The following RBFOX1 variants were observed in gnomAD, a reference collection of about 807,000 sequenced individuals.
RBFOX1 encodes RNA binding protein fox-1 homolog 1.
RBFOX1 carries 8 observed loss-of-function variants against 57.7 expected under a neutral mutation model. The observed-to-expected ratio is 0.14, with a 90% CI of 0.08 to 0.25. RBFOX1 has a LOEUF of 0.25. Ranked by LOEUF, RBFOX1 falls within the 10% of genes least tolerant of loss-of-function variation. The pLI is 1.00. For synonymous variants in RBFOX1, 326 were observed against 222.4 expected, an observed-to-expected ratio of 1.47 and a Z score of -4.15; for missense variants, 611 against 548.5, an observed-to-expected ratio of 1.11 and a Z score of -1.14.
intron 3 of RBFOX1, among the ~76,000 whole-genome samples, chr16:6,940,603 T>A (rs970393323): frequency 6.6e-6 from 1 of 152,110 alleles, no homozygotes; most frequent in Non-Finnish European, 1.5e-5. Flanking sequence ...TTTGTACACT[T>A]CTTTTCTTTT....
chr16:7,120,478 A>G (rs1429860618), intron 4 of RBFOX1, among the ~76,000 whole-genome samples: 2 of 152,028 alleles, frequency 1.3e-5, no homozygotes, highest in Non-Finnish European at 2.9e-5. Context: ...CACATAAATT[A>G]AAAAGATTAT....
At chr16:5,532,673 A>G (rs557452459) in intron 2 of RBFOX1, among the ~76,000 whole-genome samples, 89 of 152,338 alleles carry the variant, frequency 5.8e-4, no homozygotes, top group African/African-American at 1.9e-3. Flanking sequence ...ACATTTTTCA[A>G]TGCTGTGCTC....
At chr16:5,702,118 C>G (rs1220932387) in intron 3 of RBFOX1, among the ~76,000 whole-genome samples, 2 of 152,260 alleles carry the variant, frequency 1.3e-5, no homozygotes, top group Non-Finnish European at 2.9e-5. Flanking sequence ...ATCCCATTCT[C>G]ACACTGCTGT....
chr16:6,711,008 C>G (rs1214454935), intron 3 of RBFOX1, among the ~76,000 whole-genome samples: 1 of 152,152 alleles, frequency 6.6e-6, no homozygotes, highest in African/African-American at 2.4e-5. Context: ...GGCACATACC[C>G]ATTGCAAGTG....
chr16:7,541,994 C>T (rs186815608), intron 5 of RBFOX1, among the ~76,000 whole-genome samples: 17 of 152,254 alleles, frequency 1.1e-4, no homozygotes, highest in East Asian at 9.6e-4. Flanking sequence ...TGGCCTTGGC[C>T]GGCAGCTGAG....
In RBFOX1 at chr16:6,741,818, T is replaced by C. The variant is rs1024776850; in HGVS notation, c.-16+87168T>C. ...AATTTATGAAGAAGTGAAATGGTGG[T>C]TACCAGAAACTGGAAGGGTAAAGGG... is the stretch of plus-strand genomic sequence containing the variant. On this transcript the variant is annotated intron_variant, in intron 3 of 15. Transcript: ENST00000550418. Among the ~76,000 whole-genome samples, 14 of 152,162 alleles carry C rather than the reference T, an allele frequency of 9.2e-5. No individual in the cohort carries two copies. In the East Asian group the frequency reaches 2.3e-3, roughly 25 times the overall value.
rs543162769 is a variant in RBFOX1 at position 6,665,446 on chromosome 16, G to A, written c.-16+10796G>A. Among the ~76,000 whole-genome samples, 10 of 152,068 alleles carry A rather than the reference G, an allele frequency of 6.6e-5. No individual in the cohort carries two copies. The South Asian group carries it at 2.1e-3, about 32-fold the overall frequency. Reference sequence around the variant, plus strand: ...CAGGACAACATGGTGAAACCCCATCGCTGCTAAAAATAAAAAATATAAAAA... The same window carrying A: ...CAGGACAACATGGTGAAACCCCATCACTGCTAAAAATAAAAAATATAAAAA... On this transcript the variant is annotated intron_variant, in intron 3 of 15. Coordinates refer to ENST00000550418, the MANE Select transcript of RBFOX1 (RefSeq NM_018723.4).
At chr16:7,482,440 C>T (rs751148476) in intron 4 of RBFOX1, among the ~76,000 whole-genome samples, 3 of 150,354 alleles carry the variant, frequency 2.0e-5, no homozygotes. Flanking sequence ...CTCCTTATAC[C>T]TCTTCAGCCC....
chr16:7,031,650 A>C lies in RBFOX1; in HGVS notation c.-15-20407A>C, dbSNP rs757545050. On this transcript the variant is annotated intron_variant, in intron 3 of 15. Coordinates refer to ENST00000550418, the MANE Select transcript of RBFOX1 (RefSeq NM_018723.4). ...AAAGGCAATGTCAACGACATCGGGC[A>C]GATGTGATGAATAATTTTGATGGGA... Among the ~76,000 whole-genome samples, 8 of 152,264 alleles carry C rather than the reference A, an allele frequency of 5.3e-5. No homozygotes were observed. The East Asian group carries it at 5.8e-4, about 11-fold the overall frequency.
At chr16:7,709,452 T>G (rs1371722340) in intron 15 of RBFOX1, 3 of 1,409,040 alleles carry the variant, frequency 2.1e-6, no homozygotes, top group Non-Finnish European at 2.8e-6. Context: ...CAGAACTTTT[T>G]TTTTTCTTTT....
intron 3 of RBFOX1, among the ~76,000 whole-genome samples, chr16:6,900,701 G>A (rs574397119): frequency 2.0e-5 from 3 of 152,278 alleles, no homozygotes; most frequent in Admixed American, 2.0e-4. Context: ...CTCAGAATCT[G>A]TATTGCTTTC....
chr16:7,158,610 G>C (rs2077631429), intron 4 of RBFOX1, among the ~76,000 whole-genome samples: 1 of 151,972 alleles, frequency 6.6e-6, no homozygotes, highest in South Asian at 2.1e-4. Context: ...GTGACCATGT[G>C]TTTGTATGAT....
intron 2 of RBFOX1, among the ~76,000 whole-genome samples, chr16:6,332,617 A>G (rs1003759799): frequency 9.9e-5 from 15 of 152,208 alleles, no homozygotes; most frequent in African/African-American, 3.6e-4. Flanking sequence ...ATACACACAC[A>G]TGCACACACA....
intron 3 of RBFOX1, among the ~76,000 whole-genome samples, chr16:7,028,988 C>T (rs1597422191): frequency 7.0e-6 from 1 of 143,092 alleles, no homozygotes; most frequent in Non-Finnish European, 1.5e-5. Flanking sequence ...GACCAATCTC[C>T]AGATGAACTT....
At chr16:6,258,780 C>A (rs141989998) in intron 1 of RBFOX1, among the ~76,000 whole-genome samples, 515 of 152,230 alleles carry the variant, frequency 3.4e-3, no homozygotes, top group Non-Finnish European at 5.3e-3. Context: ...GTTTGCAACA[C>A]AAGGGATGCA....
At chr16:5,240,911 C>T (rs920440362) in intron 1 of RBFOX1, among the ~76,000 whole-genome samples, 3 of 152,216 alleles carry the variant, frequency 2.0e-5, no homozygotes, top group African/African-American at 7.2e-5. Context: ...GTTTGGAGGG[C>T]AGATGAGGGC....
chr16:7,137,965 A>G (rs1279322931), intron 4 of RBFOX1, among the ~76,000 whole-genome samples: 2 of 152,176 alleles, frequency 1.3e-5, no homozygotes, highest in African/African-American at 2.4e-5. Context: ...CTCTATTTTC[A>G]TGGTTTTACA....
chr16:6,947,809 C>G lies in RBFOX1; in HGVS notation c.-15-104248C>G, dbSNP rs748638820. 8.0e-4 allele frequency among the ~76,000 whole-genome samples: 122 copies of G among 152,232 alleles called. 2 individuals are homozygous for G. The highest frequency in any genetic ancestry group is 3.4e-3 in the Middle Eastern group (1 of 294). ...TTCATTTTTTGGAGATGGAGTCTTG[C>G]TCTGTCGCTCAAGCTGCAGTGCAGT... On this transcript the variant is annotated intron_variant, in intron 3 of 15. Coordinates refer to ENST00000550418, the MANE Select transcript of RBFOX1 (RefSeq NM_018723.4).
At chr16:5,255,538 A>C (rs546688660) in intron 1 of RBFOX1, among the ~76,000 whole-genome samples, 3 of 150,700 alleles carry the variant, frequency 2.0e-5, no homozygotes, top group East Asian at 4.0e-4. Flanking sequence ...CCACCCATTC[A>C]CTCATCTAAC....
Sources: allele counts gnomAD v4.1 joint callset (sites outside exome capture counted in the v4.1 genomes callset), GRCh38; gene constraint gnomAD v4.1.1; transcripts MANE v1.5; gene names NCBI Gene and HGNC (gene_info 2026-07-23, HGNC 2026-07-21).